Variants in SIPA1L3 observed in about 807,000 individuals in gnomAD.
The protein encoded by SIPA1L3 is signal induced proliferation associated 1 like 3.
SIPA1L3 carries 59 observed loss-of-function variants against 150.1 expected under a neutral mutation model. The observed-to-expected ratio is 0.39, with a 90% CI of 0.32 to 0.49. The LOEUF (loss-of-function observed/expected upper bound fraction) is 0.49. SIPA1L3 is among the 20% of genes least tolerant of loss of function. The probability of loss-of-function intolerance (pLI) is 0.86; values close to 1 mark genes in which losing one functional copy is unlikely to be tolerated. For synonymous variants in SIPA1L3, 1,070 were observed against 1,077.6 expected (o/e 0.99, Z 0.14); for missense variants, 2,211 against 2,489.5 (o/e 0.89, Z 2.38).
intron 1 of SIPA1L3, among the ~76,000 whole-genome samples, chr19:38,004,597 G>T (rs1207432530): frequency 6.6e-6 from 1 of 152,156 alleles, no homozygotes; most frequent in Non-Finnish European, 1.5e-5. Context: ...CCTTATCCCT[G>T]TCCTGAAAGA....
intron 8 of SIPA1L3, among the ~76,000 whole-genome samples, chr19:38,114,737 G>C (rs1293894837): frequency 6.6e-6 from 1 of 152,224 alleles, no homozygotes; most frequent in Non-Finnish European, 1.5e-5. Context: ...CAACTGTGCT[G>C]GGGAATCCAC....
At chr19:38,100,641 T>C (rs1220075315) in intron 5 of SIPA1L3, among the ~76,000 whole-genome samples, 1 of 152,148 alleles carries the variant, frequency 6.6e-6, no homozygotes, top group Non-Finnish European at 1.5e-5. Context: ...AAAGCAAACA[T>C]AGTTATTGGG....
intron 1 of SIPA1L3, among the ~76,000 whole-genome samples, chr19:37,915,290 A>G (rs1250974269): frequency 6.6e-6 from 1 of 152,134 alleles, no homozygotes; most frequent in Non-Finnish European, 1.5e-5. Flanking sequence ...AACAAAGTGT[A>G]GTGTCCAAGG....
chr19:38,164,062 T>C lies in SIPA1L3; in HGVS notation c.3781-417T>C, dbSNP rs1263952333. Reference sequence around the variant, plus strand: ...TGTGTTGAGGACGCGGGCAGCAGGGTTTGCTAGTGGGCTGGACATGAGTGA... The same window carrying C: ...TGTGTTGAGGACGCGGGCAGCAGGGCTTGCTAGTGGGCTGGACATGAGTGA... On this transcript the variant is annotated intron_variant, in intron 14 of 21. Transcript: ENST00000222345. This position sits in a 1 kb window ranked among gnomAD's most constrained non-coding sequence, Gnocchi z 4.1. 3.9e-5 allele frequency among the ~76,000 whole-genome samples: 6 copies of C among 151,944 alleles called. No individual in the cohort carries two copies. Among genetic ancestry groups the C allele is most frequent in the Admixed American group, 3.9e-4 (6 of 15,244 alleles).
intron 1 of SIPA1L3, among the ~76,000 whole-genome samples, chr19:37,918,970 A>G (rs1393089891): frequency 6.6e-6 from 1 of 152,100 alleles, no homozygotes; most frequent in Non-Finnish European, 1.5e-5. Context: ...TCTGGCCCTC[A>G]TTGCTGTGTA....
intron 1 of SIPA1L3, among the ~76,000 whole-genome samples, chr19:37,965,474 C>T (rs1217664648): frequency 6.6e-6 from 1 of 151,994 alleles, no homozygotes; most frequent in Non-Finnish European, 1.5e-5. Context: ...TGCCACCATG[C>T]CCGGCTAATT....
chr19:37,972,168 AGTGTGTGTGTGTGT>A (rs34744094), intron 1 of SIPA1L3, among the ~76,000 whole-genome samples: 3 of 144,942 alleles, frequency 2.1e-5, no homozygotes, highest in East Asian at 2.0e-4. Flanking sequence ...AGAGATACCT[AGTGTGTGTGTGTGT>A]GTGTGTGTGT....
chr19:38,203,879 G>A (rs889324699), intron 20 of SIPA1L3: 2 of 524,534 alleles, frequency 3.8e-6, no homozygotes, highest in African/African-American at 3.9e-5. Flanking sequence ...CACACTTAAG[G>A]GTGGGCAGCC....
Position 38,100,151 on chromosome 19 carries a change from G to A in SIPA1L3, c.1854+1G>A. On this transcript the variant is annotated splice_donor_variant, in intron 5 of 21. Coordinates refer to ENST00000222345, the MANE Select transcript of SIPA1L3 (RefSeq NM_015073.3). LOFTEE classifies it high-confidence loss of function. ...ACTGCTGAAGCTCGATGAGCAAGGGGTGAGTCAGGGGCTGGAGGTGGGGGT... is the reference window on the plus strand; with the variant it reads ...ACTGCTGAAGCTCGATGAGCAAGGGATGAGTCAGGGGCTGGAGGTGGGGGT... 6.4e-7 allele frequency: 1 copy of A among 1,567,242 alleles called. No individual in the cohort carries two copies. The highest frequency in any genetic ancestry group is 8.6e-7 in the Non-Finnish European group (1 of 1,157,422).
chr19:38,067,202 G>A (rs944517627), intron 2 of SIPA1L3, among the ~76,000 whole-genome samples: 2 of 152,166 alleles, frequency 1.3e-5, no homozygotes, highest in Admixed American at 1.3e-4. Context: ...TCACACCACT[G>A]CACTCCAGAC....
At chr19:38,180,073 C>T (rs964353319) in intron 15 of SIPA1L3, among the ~76,000 whole-genome samples, 7 of 152,152 alleles carry the variant, frequency 4.6e-5, no homozygotes, top group African/African-American at 1.4e-4. Context: ...TCCTGACAGG[C>T]GATCCACCTG....
In SIPA1L3 at chr19:38,193,638, G is replaced by A. The variant is rs762081245; in HGVS notation, c.4698G>A (p.Gly1566=). The change falls in exon 18 of 22, where the codon GGG becomes GGA. Residue 1566 remains glycine (G), a synonymous_variant. Transcript: ENST00000222345. ...CCAGCCCCGCTGGCCTAGAGCCAGG[G>A]CTGCCCAGCGACGTGCTCTTCACCA... ...SFASPAGLEP[G]LPSDVLFTST... The A allele has an allele frequency of 7.0e-6, 11 of 1,578,908 alleles. No homozygotes were observed. Among genetic ancestry groups the A allele is most frequent in the Admixed American group, 1.7e-5 (1 of 57,602 alleles).
At chr19:37,973,231 G>A (rs536854776) in intron 1 of SIPA1L3, among the ~76,000 whole-genome samples, 60 of 141,648 alleles carry the variant, frequency 4.2e-4, no homozygotes, top group South Asian at 3.9e-3. Flanking sequence ...AAAAAAAAGC[G>A]CATCTTTTTT....
intron 1 of SIPA1L3, among the ~76,000 whole-genome samples, chr19:38,012,018 T>A (rs1010652189): frequency 1.6e-4 from 25 of 151,832 alleles, no homozygotes; most frequent in African/African-American, 6.0e-4. Flanking sequence ...GCTGGATCCC[T>A]GCTGACAGAC....
At chr19:37,973,463 G>A (rs1324324000) in intron 1 of SIPA1L3, among the ~76,000 whole-genome samples, 8 of 133,370 alleles carry the variant, frequency 6.0e-5, no homozygotes, top group Non-Finnish European at 9.3e-5. Context: ...TCGAACTCCC[G>A]ACCTCAGGTG....
chr19:38,089,723 G>C (rs952354207), intron 4 of SIPA1L3, among the ~76,000 whole-genome samples: 1 of 152,252 alleles, frequency 6.6e-6, no homozygotes, highest in African/African-American at 2.4e-5. Context: ...AGTGAGGAAG[G>C]CCTGTTGGGG....
rs566361104 is a variant in SIPA1L3, at chr19:37,963,924, G to T, written c.-379+56566G>T. 3 of 152,194 alleles carry T rather than the reference G, an allele frequency of 2.0e-5. No homozygotes were observed. The East Asian group carries it at 5.8e-4, about 29-fold the overall frequency. 9.4% of individuals were successfully genotyped at this position (152,194 alleles called of 1,614,324 possible). Reference sequence around the variant, plus strand: ...CAATTTGGAAGCTTTTTGAGTTGTTGGGTTTGGTTTTTGTTTTTTAATTTT... The same window carrying T: ...CAATTTGGAAGCTTTTTGAGTTGTTTGGTTTGGTTTTTGTTTTTTAATTTT... On this transcript the variant is annotated intron_variant, in intron 1 of 21. Coordinates refer to ENST00000222345, the MANE Select transcript of SIPA1L3 (RefSeq NM_015073.3).
intron 1 of SIPA1L3, chr19:37,964,220 T>G (rs528978234): frequency 6.6e-5 from 10 of 152,218 alleles, no homozygotes; most frequent in African/African-American, 2.4e-4. Flanking sequence ...CTGGGTAACA[T>G]GGCAAGACCC....
At chr19:38,135,174 G>A (rs1439759678) in intron 10 of SIPA1L3, among the ~76,000 whole-genome samples, 4 of 152,140 alleles carry the variant, frequency 2.6e-5, no homozygotes, top group African/African-American at 4.8e-5. Context: ...ACGGGCATGC[G>A]AGTGATGTCC....
Sources: allele counts gnomAD v4.1 joint callset (sites outside exome capture counted in the v4.1 genomes callset), GRCh38; gene constraint gnomAD v4.1.1; non-coding constraint Gnocchi (gnomAD v3.1); transcripts MANE v1.5; gene names NCBI Gene and HGNC (gene_info 2026-07-23, HGNC 2026-07-21).